PBX1: variants seen among roughly 807,000 people sequenced by gnomAD.
The protein encoded by PBX1 is PBX homeobox 1.
Under a neutral mutation model 53.4 loss-of-function variants are expected in PBX1, and 6 were observed. That is an observed-to-expected ratio of 0.11 (90% CI 0.06 to 0.22). The LOEUF is 0.22. Ranked by LOEUF, PBX1 falls within the 10% of genes least tolerant of loss-of-function variation. The pLI is 1.00. For missense variants in PBX1, 251 were observed against 551.4 expected, an observed-to-expected ratio of 0.46 and a Z score of 5.46; for synonymous variants, 204 against 212.3, an observed-to-expected ratio of 0.96 and a Z score of 0.34.
At chr1:164,585,549 A>C (rs1331378316) in intron 2 of PBX1, among the ~76,000 whole-genome samples, 1 of 152,190 alleles carries the variant, frequency 6.6e-6, no homozygotes, top group Non-Finnish European at 1.5e-5. Flanking sequence ...TGAGGGGGGT[A>C]GTCAGGCATT....
At chr1:164,566,707 T>C (rs1313830833) in intron 2 of PBX1, among the ~76,000 whole-genome samples, 1 of 152,184 alleles carries the variant, frequency 6.6e-6, no homozygotes, top group Non-Finnish European at 1.5e-5. Context: ...TTTATTCCTG[T>C]GTCAAAATCA....
chr1:164,627,013 T>G (rs2101868790), intron 2 of PBX1, among the ~76,000 whole-genome samples: 1 of 152,356 alleles, frequency 6.6e-6, no homozygotes, highest in South Asian at 2.1e-4. Flanking sequence ...AATTTAATAT[T>G]AATTAAACAC....
rs1001788462 is a variant in PBX1 at position 164,847,449 on chromosome 1, A to G, written c.*773A>G. 15 of 1,063,210 alleles carry G rather than the reference A, an allele frequency of 1.4e-5. No homozygotes were observed. Among genetic ancestry groups the G allele is most frequent in the Middle Eastern group, 4.1e-4 (1 of 2,416 alleles). The allele number at this position is 1,063,210 out of a possible 1,614,324, so 65.9% of individuals were successfully genotyped here. On this transcript the variant is annotated 3_prime_UTR_variant, in exon 9 of 9. Coordinates refer to ENST00000420696, the MANE Select transcript of PBX1 (RefSeq NM_002585.4). The stretch of plus-strand genomic sequence containing the variant: ...TACAGTCTTTCTTACCCTGCTAGCA[A>G]TAGCTCTCAGTTTCAGAGGCACAGT...
intron 2 of PBX1, among the ~76,000 whole-genome samples, chr1:164,666,223 A>G (rs1476021156): frequency 1.3e-5 from 2 of 152,176 alleles, no homozygotes; most frequent in South Asian, 2.1e-4. Context: ...GGGTTTCTCA[A>G]CTGCCACTTG....
intron 5 of PBX1, 126 bp from the exon 6 acceptor site, chr1:164,811,864 C>A: frequency 5.6e-6 from 2 of 357,124 alleles, no homozygotes; most frequent in Admixed American, 5.8e-5. Context: ...CTGATGTTGC[C>A]AAATTATTAT....
chr1:164,801,056 T>C (rs1322714629), intron 4 of PBX1, among the ~76,000 whole-genome samples: 1 of 152,172 alleles, frequency 6.6e-6, no homozygotes, highest in Non-Finnish European at 1.5e-5. Flanking sequence ...TCTTTTTTCC[T>C]CACTCCCTTT....
intron 2 of PBX1, among the ~76,000 whole-genome samples, chr1:164,632,068 G>A (rs1420926639): frequency 3.3e-5 from 5 of 152,072 alleles, no homozygotes; most frequent in South Asian, 4.2e-4. Context: ...TCATTTTATC[G>A]GAGTCCTCTT....
intron 2 of PBX1, among the ~76,000 whole-genome samples, chr1:164,755,092 T>G (rs1384558316): frequency 6.6e-6 from 1 of 152,218 alleles, no homozygotes; most frequent in African/African-American, 2.4e-5. Flanking sequence ...TGTCAGCTTC[T>G]CCAGCTACCC....
At chr1:164,829,554 C>G (rs1237330757) in intron 8 of PBX1, 2 of 152,132 alleles carry the variant, frequency 1.3e-5, no homozygotes, top group African/African-American at 2.4e-5. Flanking sequence ...CATGTTCTCA[C>G]TTATAGGTAG....
intron 2 of PBX1, among the ~76,000 whole-genome samples, chr1:164,670,721 G>A (rs1661066558): frequency 6.6e-6 from 1 of 151,944 alleles, no homozygotes; most frequent in South Asian, 2.1e-4. Context: ...GAATAGCAGA[G>A]AGAGGAAAAT....
chr1:164,836,480 G>A (rs760007057), intron 8 of PBX1, among the ~76,000 whole-genome samples: 2 of 152,170 alleles, frequency 1.3e-5, no homozygotes, highest in Non-Finnish European at 2.9e-5. Context: ...TTCTAGGGTG[G>A]TGTCAAGTGA....
chr1:164,694,347 A>T (rs1177569227), intron 2 of PBX1, among the ~76,000 whole-genome samples: 1 of 152,230 alleles, frequency 6.6e-6, no homozygotes, highest in Non-Finnish European at 1.5e-5. Flanking sequence ...TCAACTAAAT[A>T]CCTATGGCTC....
chr1:164,688,189 A>G (rs981581884), intron 2 of PBX1, among the ~76,000 whole-genome samples: 2 of 152,182 alleles, frequency 1.3e-5, no homozygotes, highest in Admixed American at 6.5e-5. Context: ...AAACGTGTGC[A>G]TCCGCCTTTA....
At chr1:164,764,960 A>G (rs1011076617) in intron 2 of PBX1, among the ~76,000 whole-genome samples, 4 of 152,086 alleles carry the variant, frequency 2.6e-5, no homozygotes, top group Non-Finnish European at 5.9e-5. Context: ...CTTTATTATA[A>G]TTCTCCTGTG....
chr1:164,735,927 G>A (rs1431645271), intron 2 of PBX1, among the ~76,000 whole-genome samples: 1 of 152,172 alleles, frequency 6.6e-6, no homozygotes, highest in African/African-American at 2.4e-5. Flanking sequence ...AGCCACTACA[G>A]GCCACAGGCT....
chr1:164,779,827 CAG>C (rs143593844), intron 2 of PBX1, among the ~76,000 whole-genome samples: 1,690 of 152,266 alleles, frequency 0.011, 33 homozygotes, highest in African/African-American at 0.039. Flanking sequence ...GCCAGTGAAA[CAG>C]GGGAACTTCC....
At chr1:164,753,347 C>A (rs1182959294) in intron 2 of PBX1, among the ~76,000 whole-genome samples, 1 of 152,176 alleles carries the variant, frequency 6.6e-6, no homozygotes, top group Non-Finnish European at 1.5e-5. Context: ...TTTGACCAGG[C>A]TCTAGACTAA....
intron 2 of PBX1, among the ~76,000 whole-genome samples, chr1:164,578,873 C>T (rs1268935676): frequency 6.6e-6 from 1 of 152,166 alleles, no homozygotes; most frequent in African/African-American, 2.4e-5. Context: ...CTGTAACCTC[C>T]TTTATTTCCT....
intron 2 of PBX1, among the ~76,000 whole-genome samples, chr1:164,756,392 G>A (rs375416848): frequency 4.6e-5 from 7 of 152,090 alleles, no homozygotes; most frequent in Non-Finnish European, 5.9e-5. Flanking sequence ...ATTGCGAAAC[G>A]TTAAAAATTG....
Sources: gnomAD v4.1 joint callset for allele counts (sites outside exome capture counted in the v4.1 genomes callset) on GRCh38, gnomAD v4.1.1 for gene constraint, MANE v1.5 for transcripts, NCBI Gene and HGNC (gene_info 2026-07-23, HGNC 2026-07-21) for gene names.